PTPRT: variants seen among roughly 807,000 people sequenced by gnomAD.
PTPRT encodes the protein protein tyrosine phosphatase receptor type T.
In PTPRT, 56 loss-of-function variants were observed where a neutral mutation model predicts 176.8. That is an observed-to-expected ratio of 0.32 (90% CI 0.26 to 0.40). The LOEUF (loss-of-function observed/expected upper bound fraction) is 0.40, where lower values mean the gene tolerates loss of function less well. PTPRT is among the 10% of genes least tolerant of loss of function. The pLI, the probability that PTPRT is intolerant of heterozygous loss-of-function variation, is 1.00. For synonymous variants in PTPRT, 783 were observed against 739.0 expected (o/e 1.06, Z -0.96); for missense variants, 1,540 against 1,908.2 (o/e 0.81, Z 3.60).
intron 1 of PTPRT, among the ~76,000 whole-genome samples, chr20:43,068,374 G>A (rs927261701): frequency 3.6e-4 from 55 of 151,160 alleles, no homozygotes; most frequent in African/African-American, 1.2e-3. Context: ...GCATGGTGGC[G>A]GGGAACCTGT....
chr20:43,028,756 C>A (rs967122405), intron 1 of PTPRT, among the ~76,000 whole-genome samples: 1 of 152,164 alleles, frequency 6.6e-6, no homozygotes, highest in Non-Finnish European at 1.5e-5. Flanking sequence ...CTGATCCAAA[C>A]GCCTAGGAGC....
intron 7 of PTPRT, among the ~76,000 whole-genome samples, chr20:42,592,210 C>T (rs1404407036): frequency 6.6e-6 from 1 of 151,554 alleles, no homozygotes; most frequent in African/African-American, 2.4e-5. Context: ...CTCCTGACCT[C>T]GTGATCCTCC....
At chr20:42,198,616 C>G (rs1991325649) in intron 16 of PTPRT, among the ~76,000 whole-genome samples, 1 of 152,206 alleles carries the variant, frequency 6.6e-6, no homozygotes, top group African/African-American at 2.4e-5. Flanking sequence ...ACCCTGATAT[C>G]TTAACCACCC....
At chr20:42,884,792 C>G (rs927137148) in intron 2 of PTPRT, among the ~76,000 whole-genome samples, 1 of 152,094 alleles carries the variant, frequency 6.6e-6, no homozygotes, top group Non-Finnish European at 1.5e-5. Flanking sequence ...AAATGGCCTC[C>G]CTTCTCCAAC....
At chr20:42,444,554 GTATTTAACAATAACATAGTTATAGTAAT>G in intron 9 of PTPRT, among the ~76,000 whole-genome samples, 3 of 152,108 alleles carry the variant, frequency 2.0e-5, no homozygotes, top group Non-Finnish European at 4.4e-5. Context: ...TGGACCTGCT[GTATTTAACAATAACATAGTTATAGTAAT>G]GAAACTTCCC....
intron 2 of PTPRT, among the ~76,000 whole-genome samples, chr20:42,831,786 C>T (rs1382986412): frequency 1.3e-5 from 2 of 152,184 alleles, no homozygotes; most frequent in South Asian, 2.1e-4. Flanking sequence ...CTCATTATCA[C>T]TGATCATTAG....
chr20:42,108,755 T>A (rs1388005770), intron 23 of PTPRT, among the ~76,000 whole-genome samples: 3 of 152,022 alleles, frequency 2.0e-5, no homozygotes, highest in African/African-American at 7.3e-5. Context: ...TATATTAGAG[T>A]GCTTACTATA....
chr20:42,885,817 T>C lies in PTPRT; in HGVS notation c.204A>G (p.Ala68=), dbSNP rs765408167. 1 of 1,607,256 alleles carries C rather than the reference T, an allele frequency of 6.2e-7. No homozygotes were observed. The highest frequency in any genetic ancestry group is 8.5e-7 in the Non-Finnish European group (1 of 1,175,566). ...NTWEKPMLDQ[A]VPTGSFMMVN... is the part of the protein sequence containing the mutation. ...TGATGGATCACATACCTGTGGGCAC[T>C]GCCTGGTCCAGCATTGGTTTCTCCC... is the stretch of plus-strand genomic sequence containing the variant. The change falls in exon 2 of 31, where the codon GCA becomes GCG. Residue 68 remains alanine, a synonymous_variant. Transcript: ENST00000373187.
intron 1 of PTPRT, among the ~76,000 whole-genome samples, chr20:43,129,711 C>T (rs1019864870): frequency 2.7e-5 from 4 of 147,288 alleles, no homozygotes; most frequent in African/African-American, 1.0e-4. Flanking sequence ...CTCCGCCTCC[C>T]GGGTTCACGC....
At chr20:43,155,834 T>C (rs376271284) in intron 1 of PTPRT, among the ~76,000 whole-genome samples, 9 of 152,238 alleles carry the variant, frequency 5.9e-5, no homozygotes, top group East Asian at 5.8e-4. Flanking sequence ...AAATAAAACA[T>C]TAAAATAAAT....
In PTPRT at chr20:42,878,660, A is replaced by T. The variant is rs552726692; in HGVS notation, c.214+7147T>A. On this transcript the variant is annotated intron_variant, in intron 2 of 30. Transcript: ENST00000373187. ...TCATGGGATGGTGGGACATTAGACA[A>T]AATGTTGTACAGGATGATGCCTAAC... is the stretch of plus-strand genomic sequence containing the variant. Among the ~76,000 whole-genome samples the T allele has an allele frequency of 5.5e-4, 84 of 152,338 alleles. No individual in the cohort carries two copies. In the Middle Eastern group the frequency reaches 0.014, roughly 25 times the overall value.
chr20:42,740,733 C>G (rs6016885), intron 6 of PTPRT, among the ~76,000 whole-genome samples: 1 of 152,118 alleles, frequency 6.6e-6, no homozygotes, highest in African/African-American at 2.4e-5. Flanking sequence ...CAAACAGGTC[C>G]TGAGGCAACT....
intron 1 of PTPRT, among the ~76,000 whole-genome samples, chr20:43,106,532 C>T (rs1367536770): frequency 1.3e-5 from 2 of 151,812 alleles, no homozygotes; most frequent in African/African-American, 4.8e-5. Flanking sequence ...TGGCGGGCAC[C>T]TGTAATCTCA....
intron 15 of PTPRT, among the ~76,000 whole-genome samples, chr20:42,209,133 A>G (rs553722632): frequency 1.4e-3 from 208 of 152,360 alleles, no homozygotes; most frequent in Non-Finnish European, 2.6e-3. Context: ...AATCTCTGGG[A>G]CACATTTAAA....
chr20:42,227,600 GTTTTTTTTT>G (rs10854224), intron 15 of PTPRT, among the ~76,000 whole-genome samples: 17 of 61,888 alleles, frequency 2.7e-4, no homozygotes, highest in African/African-American at 7.9e-4. Flanking sequence ...GTCCCTCATT[GTTTTTTTTT>G]TTTTTTTTTT....
intron 1 of PTPRT, among the ~76,000 whole-genome samples, chr20:42,902,973 A>C (rs2079425513): frequency 1.3e-5 from 2 of 152,182 alleles, no homozygotes; most frequent in African/African-American, 4.8e-5. Flanking sequence ...GAAAGCTATG[A>C]CCTCTTTCTC....
downstream of PTPRT, among the ~76,000 whole-genome samples, chr20:42,070,453 CA>C (rs1197025360): frequency 2.0e-5 from 3 of 151,860 alleles, no homozygotes; most frequent in African/African-American, 7.3e-5. Context: ...AGGACGGCAG[CA>C]CATAGGGTGG....
intron 9 of PTPRT, among the ~76,000 whole-genome samples, chr20:42,447,386 C>T (rs1051067210): frequency 3.3e-5 from 5 of 151,930 alleles, no homozygotes; most frequent in African/African-American, 1.2e-4. Flanking sequence ...GCTACTAGGA[C>T]ACTAGGCTAC....
chr20:43,085,149 G>A (rs2011569089), intron 1 of PTPRT, among the ~76,000 whole-genome samples: 1 of 152,174 alleles, frequency 6.6e-6, no homozygotes, highest in Admixed American at 6.5e-5. Flanking sequence ...AAGAACTGCA[G>A]AGCTTCCAGG....
Sources: allele counts gnomAD v4.1 joint callset (sites outside exome capture counted in the v4.1 genomes callset), GRCh38; gene constraint gnomAD v4.1.1; transcripts MANE v1.5; gene names NCBI Gene and HGNC (gene_info 2026-07-23, HGNC 2026-07-21).